The following CRB1 variants were observed in gnomAD, a reference collection of about 807,000 sequenced individuals.
CRB1 encodes the protein crumbs cell polarity complex component 1.
CRB1 carries 83 observed loss-of-function variants against 120.0 expected under a neutral mutation model. The ratio of observed to expected loss-of-function variants is 0.69; its 90% CI spans 0.58 to 0.83. The LOEUF (loss-of-function observed/expected upper bound fraction) is 0.83, where lower values mean the gene tolerates loss of function less well. CRB1 is among the 40% of genes least tolerant of loss of function. The pLI is 0.00. For missense variants in CRB1, 1,699 were observed against 1,687.6 expected, an observed-to-expected ratio of 1.01 and a Z score of -0.12; for synonymous variants, 625 against 612.5, an observed-to-expected ratio of 1.02 and a Z score of -0.30.
intron 5 of CRB1, chr1:197,414,044 A>G: frequency 4.7e-6 from 2 of 424,612 alleles, no homozygotes; most frequent in South Asian, 3.4e-5. Flanking sequence ...CAACATGCTT[A>G]GTGTTTTTAA....
the CRB1 span, among the ~76,000 whole-genome samples, chr1:197,236,145 A>T: frequency 5.3e-5 from 8 of 151,750 alleles, no homozygotes; most frequent in Non-Finnish European, 1.2e-4. Context: ...TGAACTTGAG[A>T]AGTAGCCCTG....
rs1280465042 is a variant in CRB1 at position 197,459,341 on chromosome 1, T to C, written c.4005+17049T>C. ...CTTTCTGACTAGAAAGGACCTACTT[T>C]ACTCTGTTTGGACTGCTGTAACAAA... On this transcript the variant is annotated intron_variant, in intron 11 of 11. Coordinates refer to ENST00000367400, the MANE Select transcript of CRB1 (RefSeq NM_201253.3). 3.3e-5 allele frequency among the ~76,000 whole-genome samples: 5 copies of C among 152,238 alleles called. 1 individual carries two copies. Among genetic ancestry groups the C allele is most frequent in the African/African-American group, 1.2e-4 (5 of 41,532 alleles).
chr1:197,292,206 A>G (rs910543269), intron 1 of CRB1, among the ~76,000 whole-genome samples: 1 of 152,116 alleles, frequency 6.6e-6, no homozygotes, highest in Non-Finnish European at 1.5e-5. Flanking sequence ...GAAAAATCAA[A>G]TGGACGCAAT....
At chr1:197,429,162 A>C in intron 7 of CRB1, 1 of 1,530,494 alleles carries the variant, frequency 6.5e-7, no homozygotes, top group Non-Finnish European at 8.7e-7. Flanking sequence ...GTGCCTGGTA[A>C]TTTGTAAATT....
rs149216103 is a variant in CRB1, at chr1:197,435,401, G to T, written c.3538G>T (p.Glu1180Ter). The T allele has an allele frequency of 6.2e-7, 1 of 1,606,356 alleles. No homozygotes were observed. Among genetic ancestry groups the T allele is most frequent in the Non-Finnish European group, 8.5e-7 (1 of 1,175,648 alleles). ...SGKHCELNIDECFSNPCIHGN... is the reference protein window; with the variant it reads ...SGKHCELNID ...GAAACACTGTGAACTCAACATCGAT[G>T]AATGCTTTTCAAACCCCTGTATCCA... Residue 1180 changes from glutamate to a stop codon, truncating the protein, a stop_gained, in exon 9 of 12, where the codon GAA (glutamate) becomes TAA (stop). Transcript: ENST00000367400. LOFTEE classifies it high-confidence loss of function.
intron 11 of CRB1, among the ~76,000 whole-genome samples, chr1:197,466,202 A>G (rs1282488385): frequency 2.0e-5 from 3 of 152,146 alleles, no homozygotes; most frequent in Non-Finnish European, 4.4e-5. Context: ...ATCAACACTT[A>G]TGCAGGTTGA....
At chr1:197,429,091 T>C in intron 7 of CRB1, 1 of 1,512,086 alleles carries the variant, frequency 6.6e-7, no homozygotes, top group Non-Finnish European at 8.9e-7. Context: ...CTTCTTTTTA[T>C]CATCTATAAA....
intron 11 of CRB1, among the ~76,000 whole-genome samples, chr1:197,460,621 G>A (rs1322297890): frequency 6.6e-6 from 1 of 152,122 alleles, no homozygotes; most frequent in African/African-American, 2.4e-5. Flanking sequence ...TACAGATGCT[G>A]AAACGAAGGC....
intron 1 of CRB1, among the ~76,000 whole-genome samples, chr1:197,305,678 C>T (rs1657125301): frequency 6.6e-6 from 1 of 151,826 alleles, no homozygotes; most frequent in Non-Finnish European, 1.5e-5. Context: ...TTGCCGTCAC[C>T]TCCTTAACGT....
chr1:197,355,313 C>T (rs1042138368), intron 4 of CRB1, among the ~76,000 whole-genome samples: 2 of 152,256 alleles, frequency 1.3e-5, no homozygotes, highest in African/African-American at 4.8e-5. Context: ...GTACTAGACT[C>T]AGGAGCCCAG....
intron 6 of CRB1, among the ~76,000 whole-genome samples, 186 bp downstream of exon 6, chr1:197,422,142 G>T (rs1437178678): frequency 6.6e-6 from 1 of 151,944 alleles, no homozygotes; most frequent in Non-Finnish European, 1.5e-5. Context: ...AATTTTGAGT[G>T]GATTCATAGG....
intron 8 of CRB1, 74 bp downstream of exon 8, chr1:197,429,688 A>G (rs1164385208): frequency 6.8e-7 from 1 of 1,468,198 alleles, no homozygotes; most frequent in Non-Finnish European, 9.4e-7. Context: ...CAAACACAGA[A>G]AAAGAGTATA....
chr1:197,361,298 G>T (rs1660756872), intron 5 of CRB1, among the ~76,000 whole-genome samples: 2 of 151,674 alleles, frequency 1.3e-5, no homozygotes, highest in South Asian at 2.1e-4. Flanking sequence ...CTATTTTCTG[G>T]AAGAGAGTAT....
the CRB1 span, among the ~76,000 whole-genome samples, chr1:197,236,711 A>C: frequency 6.6e-6 from 1 of 152,086 alleles, no homozygotes; most frequent in East Asian, 1.9e-4. Context: ...CTGTTTTTCT[A>C]AGAATTTCTG....
At chr1:197,214,926 C>T in the CRB1 span, among the ~76,000 whole-genome samples, 3 of 151,222 alleles carry the variant, frequency 2.0e-5, no homozygotes, top group African/African-American at 7.3e-5. Context: ...ATACAAAAAT[C>T]GTAAAAACAA....
At chr1:197,368,272 T>G (rs910548241) in intron 5 of CRB1, among the ~76,000 whole-genome samples, 1 of 152,196 alleles carries the variant, frequency 6.6e-6, no homozygotes, top group Non-Finnish European at 1.5e-5. Context: ...AAACAGATAT[T>G]TGATATGCAT....
At chr1:197,355,306 C>G (rs1417732223) in intron 4 of CRB1, among the ~76,000 whole-genome samples, 2 of 152,356 alleles carry the variant, frequency 1.3e-5, no homozygotes, top group Non-Finnish European at 1.5e-5. Flanking sequence ...ATAATCCGTA[C>G]TAGACTCAGG....
the CRB1 span, among the ~76,000 whole-genome samples, chr1:197,231,590 T>C: frequency 6.6e-6 from 1 of 152,018 alleles, no homozygotes; most frequent in Non-Finnish European, 1.5e-5. Flanking sequence ...ATGAAGAAAG[T>C]GATGAGCCAC....
chr1:197,464,329 A>G (rs983165484), intron 11 of CRB1, among the ~76,000 whole-genome samples: 1 of 152,190 alleles, frequency 6.6e-6, no homozygotes, highest in East Asian at 1.9e-4. Context: ...ATTGGCATCA[A>G]TCCTTGGAAA....
Sources: allele counts gnomAD v4.1 joint callset (sites outside exome capture counted in the v4.1 genomes callset), GRCh38; gene constraint gnomAD v4.1.1; transcripts MANE v1.5; gene names NCBI Gene and HGNC (gene_info 2026-07-23, HGNC 2026-07-21).